The following FBXO15 variants were observed in gnomAD, a reference collection of about 807,000 sequenced individuals.
FBXO15 encodes F-box only protein 15.
In FBXO15, 30 loss-of-function variants were observed where a neutral mutation model predicts 49.5. That is an observed-to-expected ratio of 0.61 (90% CI 0.45 to 0.82). FBXO15 has a LOEUF of 0.82. Ranked by LOEUF, FBXO15 falls within the 40% of genes least tolerant of loss-of-function variation. The pLI is 0.00. For synonymous variants in FBXO15, 250 were observed against 232.7 expected (o/e 1.07, Z -0.68); for missense variants, 591 against 631.5 (o/e 0.94, Z 0.69).
chr18:74,080,927 G>A (rs1193086424), intron 9 of FBXO15, among the ~76,000 whole-genome samples: 1 of 152,090 alleles, frequency 6.6e-6, no homozygotes, highest in African/African-American at 2.4e-5. Flanking sequence ...GATCCTCAAG[G>A]TCTATTTTGA....
intron 8 of FBXO15, chr18:74,098,138 A>G (rs1292746512): frequency 6.6e-6 from 1 of 152,228 alleles, no homozygotes; most frequent in East Asian, 1.9e-4. Context: ...TGAACCCTAG[A>G]CCTTCCTTCT....
intron 8 of FBXO15, among the ~76,000 whole-genome samples, chr18:74,110,500 A>T (rs960874881): frequency 1.3e-5 from 2 of 152,056 alleles, no homozygotes; most frequent in African/African-American, 4.8e-5. Context: ...AAACAGGAAT[A>T]AAGAACAAAA....
intron 8 of FBXO15, among the ~76,000 whole-genome samples, chr18:74,084,853 A>G (rs1215545092): frequency 1.3e-5 from 2 of 152,158 alleles, no homozygotes; most frequent in Non-Finnish European, 2.9e-5. Context: ...AGCACTTGAT[A>G]AGGCCTTGTG....
chr18:74,147,414 C>T (rs1160747784), intron 1 of FBXO15: 8 of 960,136 alleles, frequency 8.3e-6, no homozygotes, highest in Non-Finnish European at 1.0e-5. Flanking sequence ...CTGGCAGGTG[C>T]GCGCATCCCC....
At chr18:74,116,358 A>G (rs193090289) in intron 8 of FBXO15, among the ~76,000 whole-genome samples, 1 of 152,190 alleles carries the variant, frequency 6.6e-6, no homozygotes, top group African/African-American at 2.4e-5. Flanking sequence ...TGCATTTCCA[A>G]AGTGATTTTT....
At position 74,080,681 on chromosome 18, in the gene FBXO15, T is replaced by TCC. The variant is rs563914776; in HGVS notation, c.1263+1244_1263+1245dup. On this transcript the variant is annotated intron_variant, in intron 9 of 9. Transcript: ENST00000419743. ...CTGCTAAGATGCTATTCAGGGTGGG[T>TCC]CCATTATGTAGCTTAGTCTGCCCTA... Among the ~76,000 whole-genome samples, 388 of 152,278 alleles carry TCC rather than the reference T, an allele frequency of 2.5e-3. 1 individual carries two copies. The highest frequency in any genetic ancestry group is 9.0e-3 in the African/African-American group (375 of 41,542).
Position 74,129,462 on chromosome 18 carries a change from T to A in FBXO15, c.728A>T (p.Asp243Val). The change falls in exon 5 of 10, where the codon GAT becomes GTT. Residue 243 changes from aspartate to valine, a missense_variant. Coordinates refer to ENST00000419743, the MANE Select transcript of FBXO15 (RefSeq NM_001142958.2). ...AAAAACTGGTGTCATGCCACATAAATCTAAGGTTGACAATGATGCTAGGCA... is the reference window on the plus strand; with the variant it reads ...AAAAACTGGTGTCATGCCACATAAAACTAAGGTTGACAATGATGCTAGGCA... ...WPCLASLSTL[D>V]LCGMTPVFTD... 1 of 1,613,988 alleles carries A rather than the reference T, an allele frequency of 6.2e-7. No homozygotes were observed.
intron 8 of FBXO15, among the ~76,000 whole-genome samples, chr18:74,086,647 T>A (rs924600412): frequency 6.6e-6 from 1 of 152,166 alleles, no homozygotes; most frequent in Admixed American, 6.5e-5. Flanking sequence ...CCTGACCTCA[T>A]GATCCGCCCA....
intron 8 of FBXO15, among the ~76,000 whole-genome samples, chr18:74,108,522 G>A (rs142014268): frequency 5.1e-4 from 71 of 139,770 alleles, no homozygotes; most frequent in Non-Finnish European, 7.4e-4. Context: ...AAAAAAAGAC[G>A]GAAAAAAAAA....
In FBXO15 at chr18:74,082,066, G is replaced by A; in HGVS notation, c.1139-15C>T. On this transcript the variant is annotated splice_polypyrimidine_tract_variant and intron_variant, in intron 8 of 9. Coordinates refer to ENST00000419743, the MANE Select transcript of FBXO15 (RefSeq NM_001142958.2). ...TTCAATATTTCCTGAAAAGATATAAGATTGTTTCAATCACTGTCTTCCAGT... is the reference window on the plus strand; with the variant it reads ...TTCAATATTTCCTGAAAAGATATAAAATTGTTTCAATCACTGTCTTCCAGT... The A allele has an allele frequency of 6.2e-7, 1 of 1,607,856 alleles. No homozygotes were observed. Among genetic ancestry groups the A allele is most frequent in the Non-Finnish European group, 8.5e-7 (1 of 1,177,960 alleles).
At chr18:74,111,745 C>A (rs1374465658) in intron 8 of FBXO15, among the ~76,000 whole-genome samples, 3 of 151,682 alleles carry the variant, frequency 2.0e-5, no homozygotes, top group Admixed American at 6.6e-5. Context: ...TCCATGAAAC[C>A]AAAAGCTGGT....
intron 5 of FBXO15, among the ~76,000 whole-genome samples, chr18:74,127,727 C>T (rs1419473289): frequency 6.6e-6 from 1 of 152,216 alleles, no homozygotes; most frequent in Non-Finnish European, 1.5e-5. Context: ...AAATAAATTA[C>T]ATCAAATGAA....
chr18:74,102,799 T>C (rs1475037185), intron 8 of FBXO15, among the ~76,000 whole-genome samples: 1 of 152,164 alleles, frequency 6.6e-6, no homozygotes, highest in Non-Finnish European at 1.5e-5. Context: ...ATCAATGGCA[T>C]TTGCAGCAAC....
At position 74,142,189 on chromosome 18, in the gene FBXO15, C is replaced by CAGG. The variant is rs371140403; in HGVS notation, c.117-1880_117-1878dup. 5.5e-4 allele frequency among the ~76,000 whole-genome samples: 84 copies of CAGG among 152,266 alleles called. 1 individual carries two copies. The highest frequency in any genetic ancestry group is 1.9e-3 in the African/African-American group (77 of 41,536). On this transcript the variant is annotated intron_variant, in intron 1 of 9. Transcript: ENST00000419743. ...GGTTTTCAATCTGTGCTCTGCAGGGCAGGAAGACAGGGAGAAAGGACAGGA... is the reference window on the plus strand; with the variant it reads ...GGTTTTCAATCTGTGCTCTGCAGGGCAGGAGGAAGACAGGGAGAAAGGACAGGA...
At chr18:74,134,911 G>A (rs995173747) in intron 3 of FBXO15, among the ~76,000 whole-genome samples, 3 of 151,996 alleles carry the variant, frequency 2.0e-5, no homozygotes, top group African/African-American at 2.4e-5. Context: ...AGTTAAAACC[G>A]GCATTCCCTC....
chr18:74,079,067 C>T (rs1487973831), intron 9 of FBXO15, among the ~76,000 whole-genome samples: 4 of 152,186 alleles, frequency 2.6e-5, no homozygotes, highest in Non-Finnish European at 4.4e-5. Flanking sequence ...CACAGAACTA[C>T]ACTGAAATAT....
intron 3 of FBXO15, among the ~76,000 whole-genome samples, chr18:74,135,161 C>T (rs1057241995): frequency 6.6e-6 from 1 of 152,150 alleles, no homozygotes; most frequent in African/African-American, 2.4e-5. Flanking sequence ...CCTAGATCCA[C>T]CCCCTGCAAG....
chr18:74,084,515 A>G (rs1469323860), intron 8 of FBXO15, among the ~76,000 whole-genome samples: 1 of 152,254 alleles, frequency 6.6e-6, no homozygotes, highest in Non-Finnish European at 1.5e-5. Flanking sequence ...GAAGCCACAG[A>G]GCATGGCTTT....
chr18:74,126,907 GAAC>G (rs1479811494), intron 5 of FBXO15, among the ~76,000 whole-genome samples: 14 of 151,856 alleles, frequency 9.2e-5, no homozygotes, highest in East Asian at 1.9e-4. Context: ...CTTGTGCAGA[GAAC>G]AACAACTGGG....
Sources: allele counts gnomAD v4.1 joint callset (sites outside exome capture counted in the v4.1 genomes callset), GRCh38; gene constraint gnomAD v4.1.1; transcripts MANE v1.5; gene names NCBI Gene and HGNC (gene_info 2026-07-23, HGNC 2026-07-21).